BABAM2: variants seen among roughly 807,000 people sequenced by gnomAD.
BABAM2 encodes the protein BRISC and BRCA1-A complex member 2.
A neutral mutation model predicts 54.7 loss-of-function variants in BABAM2; 31 were observed. That is an observed-to-expected ratio of 0.57 (90% CI 0.43 to 0.77). The LOEUF is 0.77. BABAM2 is among the 30% of genes least tolerant of loss of function. BABAM2 has a pLI of 0.00. For missense variants in BABAM2, 364 were observed against 455.8 expected (o/e 0.80, Z 1.83); for synonymous variants, 167 against 162.9 (o/e 1.03, Z -0.19).
intron 4 of BABAM2, among the ~76,000 whole-genome samples, chr2:27,997,702 A>G (rs993433064): frequency 1.2e-4 from 19 of 152,232 alleles, no homozygotes; most frequent in African/African-American, 4.3e-4. Context: ...CTCTCCTAAG[A>G]CAAATAAAAA....
intron 3 of BABAM2, among the ~76,000 whole-genome samples, chr2:27,948,738 T>C (rs958862147): frequency 6.6e-6 from 1 of 152,084 alleles, no homozygotes; most frequent in Admixed American, 6.6e-5. Flanking sequence ...GCCACTGCAC[T>C]CCAGCCTGGA....
intron 6 of BABAM2, among the ~76,000 whole-genome samples, chr2:28,056,033 T>TA (rs1373946995): frequency 6.6e-6 from 1 of 151,980 alleles, no homozygotes; most frequent in Non-Finnish European, 1.5e-5. Context: ...TGTAGAATCT[T>TA]AAAAAAAATT....
chr2:27,985,674 G>A (rs1477448258), intron 3 of BABAM2, among the ~76,000 whole-genome samples: 3 of 152,098 alleles, frequency 2.0e-5, no homozygotes, highest in Non-Finnish European at 4.4e-5. Context: ...TTCTGTGGAT[G>A]CTTACAATTT....
In BABAM2 at chr2:28,129,264, G is replaced by A; in HGVS notation, c.571-7G>A. 1 of 1,609,762 alleles carries A rather than the reference G, an allele frequency of 6.2e-7. No individual in the cohort carries two copies. The highest frequency in any genetic ancestry group is 8.5e-7 in the Non-Finnish European group (1 of 1,176,086). ...TGCTGATGTTGTGTTTTCACTTCTT[G>A]TTTAAGGATGTAAATGAAGACCCTG... On this transcript the variant is annotated splice_region_variant and splice_polypyrimidine_tract_variant and intron_variant, in intron 6 of 11. Coordinates refer to ENST00000379624, the MANE Select transcript of BABAM2 (RefSeq NM_199191.3).
At chr2:28,313,649 G>T (rs1368944223) in intron 11 of BABAM2, among the ~76,000 whole-genome samples, 1 of 152,202 alleles carries the variant, frequency 6.6e-6, no homozygotes, top group East Asian at 1.9e-4. Context: ...CAGAACAGTG[G>T]TTTCCTAGTT....
At chr2:28,222,339 C>A (rs931699663) in intron 7 of BABAM2, among the ~76,000 whole-genome samples, 2 of 152,150 alleles carry the variant, frequency 1.3e-5, no homozygotes, top group Non-Finnish European at 2.9e-5. Flanking sequence ...GGGTCCTTAA[C>A]CTTTATCACA....
chr2:28,013,432 T>A (rs1674548761), intron 4 of BABAM2: 2 of 455,580 alleles, frequency 4.4e-6, no homozygotes, highest in Admixed American at 2.4e-5. Context: ...ATTTCCTATT[T>A]TGTTTTTTCT....
Position 28,149,496 on chromosome 2 carries a change from C to T in BABAM2, c.680+20116C>T, listed in dbSNP as rs181613091. Among the ~76,000 whole-genome samples the T allele has an allele frequency of 5.9e-5, 9 of 152,290 alleles. No homozygotes were observed. In the East Asian group the frequency reaches 7.7e-4, roughly 13 times the overall value. On this transcript the variant is annotated intron_variant, in intron 7 of 11. Transcript: ENST00000379624. ...ATTCTCTTTGCAAGCTAGATAGGGC[C>T]GGCATTGTCATCTCTGTTTTCCAGA...
At chr2:27,944,128 AT>A (rs1276445304) in intron 3 of BABAM2, among the ~76,000 whole-genome samples, 1 of 152,166 alleles carries the variant, frequency 6.6e-6, no homozygotes, top group African/African-American at 2.4e-5. Context: ...CTTATTGGGC[AT>A]TTTATGGTTA....
At chr2:27,942,495 G>C (rs1668971856) in intron 3 of BABAM2, among the ~76,000 whole-genome samples, 1 of 151,150 alleles carries the variant, frequency 6.6e-6, no homozygotes, top group South Asian at 2.1e-4. Context: ...CAGATATCTG[G>C]TACTACAGGT....
chr2:28,044,995 T>TAA (rs769876276), intron 5 of BABAM2, among the ~76,000 whole-genome samples: 2 of 138,632 alleles, frequency 1.4e-5, no homozygotes, highest in Admixed American at 7.2e-5. Context: ...ATGACAAAGT[T>TAA]AAAAAAAAAA....
At chr2:28,015,880 A>G in intron 4 of BABAM2, 1 of 616,108 alleles carries the variant, frequency 1.6e-6, no homozygotes, top group Non-Finnish European at 2.8e-6. Context: ...TTTTGCTCGT[A>G]CCTCCTCCAT....
intron 3 of BABAM2, among the ~76,000 whole-genome samples, chr2:27,932,668 C>T (rs941351032): frequency 2.6e-5 from 4 of 152,218 alleles, no homozygotes; most frequent in South Asian, 4.1e-4. Flanking sequence ...TCAGGGGGTA[C>T]GTATATAGAC....
intron 7 of BABAM2, among the ~76,000 whole-genome samples, chr2:28,174,643 G>A (rs1187080947): frequency 6.6e-6 from 1 of 152,192 alleles, no homozygotes; most frequent in Non-Finnish European, 1.5e-5. Flanking sequence ...TCCCAGCCAT[G>A]GGAGAGCCTC....
At chr2:28,136,114 C>T (rs2048047) in intron 7 of BABAM2, among the ~76,000 whole-genome samples, 37,164 of 152,070 alleles carry the variant, frequency 0.24, 4,751 homozygotes, top group South Asian at 0.47. Flanking sequence ...TGTGATTTCC[C>T]GAACACATCT....
chr2:27,935,414 G>C (rs953080509), intron 3 of BABAM2, among the ~76,000 whole-genome samples: 1 of 152,210 alleles, frequency 6.6e-6, no homozygotes, highest in African/African-American at 2.4e-5. Flanking sequence ...TGGATCCTGA[G>C]AATGTGACTG....
At position 27,910,910 on chromosome 2, in the gene BABAM2, C is replaced by T. The variant is rs894671980; in HGVS notation, c.128+16226C>T. ...CTTCTTGAATTGTAGTTTCCATAATCCCCACCTGTCATGGGAGGGACCCGG... is the reference window on the plus strand; with the variant it reads ...CTTCTTGAATTGTAGTTTCCATAATTCCCACCTGTCATGGGAGGGACCCGG... On this transcript the variant is annotated intron_variant, in intron 2 of 11. Transcript: ENST00000379624. 6.6e-5 allele frequency among the ~76,000 whole-genome samples: 10 copies of T among 152,262 alleles called. No individual in the cohort carries two copies. In the South Asian group the frequency reaches 1.9e-3, roughly 28 times the overall value.
At chr2:28,223,654 A>G (rs1402618991) in intron 7 of BABAM2, among the ~76,000 whole-genome samples, 2 of 152,204 alleles carry the variant, frequency 1.3e-5, no homozygotes, top group Non-Finnish European at 2.9e-5. Context: ...TCGGCTCTTC[A>G]AGGTAGAACT....
intron 3 of BABAM2, among the ~76,000 whole-genome samples, chr2:27,967,316 T>TGGTTCTATAAGGGGGA (rs1670902988): frequency 6.6e-6 from 1 of 152,162 alleles, no homozygotes; most frequent in Admixed American, 6.5e-5. Flanking sequence ...TGAGATCTGA[T>TGGTTCTATAAGGGGGA]GGTTCTATAA....
Sources: allele counts gnomAD v4.1 joint callset (sites outside exome capture counted in the v4.1 genomes callset), GRCh38; gene constraint gnomAD v4.1.1; transcripts MANE v1.5; gene names NCBI Gene and HGNC (gene_info 2026-07-23, HGNC 2026-07-21).